SLC25A41: variants seen among roughly 807,000 people sequenced by gnomAD.
SLC25A41 encodes the protein solute carrier family 25 member 41, also known as mitochondrial carrier protein SCaMC-3L.
SLC25A41 carries 35 observed loss-of-function variants against 34.7 expected under a neutral mutation model. The observed-to-expected ratio is 1.01, with a 90% confidence interval of 0.77 to 1.34. The LOEUF is 1.34. Among genes scored for constraint, SLC25A41 ranks in the 40% most tolerant of loss-of-function variants. The pLI is 0.00. For synonymous variants in SLC25A41, 190 were observed against 209.9 expected (o/e 0.91, Z 0.82); for missense variants, 492 against 489.8 (o/e 1.00, Z -0.04).
chr19:6,426,681 C>T (rs189592073), intron 6 of SLC25A41, 120 bp from the exon 7 acceptor site: 13 of 1,018,614 alleles, frequency 1.3e-5, no homozygotes, highest in Non-Finnish European at 1.9e-5. Flanking sequence ...AGTAGGAAAA[C>T]AGTTTGAAGA....
In SLC25A41 at chr19:6,429,846, A is replaced by C. The variant is rs1284860379; in HGVS notation, c.517-15T>G. 1 of 1,609,196 alleles carries C rather than the reference A, an allele frequency of 6.2e-7. No homozygotes were observed. Among genetic ancestry groups the C allele is most frequent in the Admixed American group, 1.7e-5 (1 of 59,242 alleles). Reference sequence around the variant, plus strand: ...TAATTCTTGCACTGGGAGAGGAGAGAGGAGGGTGAGAGAGAAGTCAGCCAC... The same window carrying C: ...TAATTCTTGCACTGGGAGAGGAGAGCGGAGGGTGAGAGAGAAGTCAGCCAC... On this transcript the variant is annotated splice_polypyrimidine_tract_variant and intron_variant, in intron 3 of 6. Coordinates refer to ENST00000321510, the MANE Select transcript of SLC25A41 (RefSeq NM_173637.4).
At chr19:6,435,838 CAG>C (rs2092308781), upstream of SLC25A41, among the ~76,000 whole-genome samples, 1 of 151,704 alleles carries the variant, frequency 6.6e-6, no homozygotes, top group Admixed American at 6.6e-5. Flanking sequence ...GCCTGGGTGA[CAG>C]AGTAAGACCC....
At chr19:6,431,394 G>A (rs1423575006) in intron 2 of SLC25A41, among the ~76,000 whole-genome samples, 1 of 150,732 alleles carries the variant, frequency 6.6e-6, no homozygotes, top group Non-Finnish European at 1.5e-5. Flanking sequence ...GACTATGGGT[G>A]TGAGATATCC....
chr19:6,433,560 C>G lies in SLC25A41; in HGVS notation c.134G>C (p.Gly45Ala). Residue 45 changes from glycine to alanine, a missense_variant, in exon 1 of 7, where the codon GGC (glycine) becomes GCC (alanine). Transcript: ENST00000321510. ...PPPPPPSWNP[G>A]CTHVYGYAFG... ...CGCGTACCCATACACGTGTGTACAG[C>G]CAGGGTTCCAGGATGGGGGTGGAGG... The G allele has an allele frequency of 6.2e-7, 1 of 1,613,448 alleles. No homozygotes were observed. The highest frequency in any genetic ancestry group is 1.1e-5 in the South Asian group (1 of 91,058).
chr19:6,426,605 G>C (rs368346983), intron 6 of SLC25A41, 44 bp from the exon 7 acceptor site: 23 of 1,591,066 alleles, frequency 1.4e-5, no homozygotes, highest in Non-Finnish European at 1.8e-5. Context: ...AGAGATGACC[G>C]GGCCTCCTAG....
In SLC25A41 at chr19:6,433,577, G is replaced by C. The variant is rs2092295409; in HGVS notation, c.117C>G (p.Pro39=). ...GTGTACAGCCAGGGTTCCAGGATGG[G>C]GGTGGAGGCGGAGGTTGGGGGGGAG... ...APPPPQPPPP[P]PSWNPGCTHV... is the part of the protein sequence containing the mutation. The change falls in exon 1 of 7, where the codon CCC becomes CCG. Residue 39 remains proline (P), a synonymous_variant. Transcript: ENST00000321510. 18 of 1,613,302 alleles carry C rather than the reference G, an allele frequency of 1.1e-5. No homozygotes were observed. The East Asian group carries it at 4.0e-4, about 36-fold the overall frequency.
In SLC25A41 at chr19:6,429,140, ATATAAT is replaced by A. The variant is rs2092265778; in HGVS notation, c.624+578_624+583del. ...TATATTATATATATGTTATATATAT[ATATAAT>A]ATATATATTATATATATAATATATA... On this transcript the variant is annotated intron_variant, in intron 4 of 6. Coordinates refer to ENST00000321510, the MANE Select transcript of SLC25A41 (RefSeq NM_173637.4). Among the ~76,000 whole-genome samples, 12 of 56,398 alleles carry A rather than the reference ATATAAT, an allele frequency of 2.1e-4. 3 individuals carry two copies. Among genetic ancestry groups the A allele is most frequent in the African/African-American group, 1.2e-3 (12 of 10,290 alleles). 37.0% of individuals were successfully genotyped at this position (56,398 alleles called of 152,430 possible). A position where few individuals can be genotyped will look rare whatever the true frequency, so the allele number is the denominator to read the frequency against.
rs1368500321 is a variant in SLC25A41 at position 6,429,327 on chromosome 19, A to G, written c.624+397T>C. 1.2e-4 allele frequency among the ~76,000 whole-genome samples: 5 copies of G among 43,060 alleles called. No homozygotes were observed. The East Asian group carries it at 2.0e-3, about 17-fold the overall frequency. 28.2% of individuals were successfully genotyped at this position (43,060 alleles called of 152,430 possible). ...AGGAGGAGATTGGAGAGGAGGAGAA[A>G]GAGGTAAAGGGGGAAGAGGGAGAGG... is the stretch of plus-strand genomic sequence containing the variant. On this transcript the variant is annotated intron_variant, in intron 4 of 6. Transcript: ENST00000321510.
chr19:6,429,546 G>C, intron 4 of SLC25A41, among the ~76,000 whole-genome samples, 178 bp downstream of exon 4: 1 of 132,038 alleles, frequency 7.6e-6, no homozygotes, highest in Non-Finnish European at 1.7e-5. Flanking sequence ...GAAAGAGGAG[G>C]AGGGAGAAAG....
Position 6,427,991 on chromosome 19 carries a change from G to T in SLC25A41, c.625-490C>A, listed in dbSNP as rs922678945. Among the ~76,000 whole-genome samples, 5 of 152,082 alleles carry T rather than the reference G, an allele frequency of 3.3e-5. No homozygotes were observed. The highest frequency in any genetic ancestry group is 7.4e-5 in the Non-Finnish European group (5 of 68,018). The stretch of plus-strand genomic sequence containing the variant: ...CTTTATGGCAAAAAGATCAAGCACT[G>T]GGGGGAAAGAAAGAGAGTGAATAGG... On this transcript the variant is annotated intron_variant, in intron 4 of 6. Transcript: ENST00000321510. The surrounding 1 kb of genome is among the most constrained non-coding windows in gnomAD (Gnocchi z 4.9).
In SLC25A41 at chr19:6,427,042, T is replaced by C. The variant is rs2092245077; in HGVS notation, c.940+61A>G. ...ACTCAGTTTTGGGGTATGAGAAAAT[T>C]GAGACAGCCAGGGTGGGGCGGGGAA... On this transcript the variant is annotated intron_variant, in intron 6 of 6. Coordinates refer to ENST00000321510, the MANE Select transcript of SLC25A41 (RefSeq NM_173637.4). The surrounding 1 kb of genome is among the most constrained non-coding windows in gnomAD (Gnocchi z 4.9). The C allele has an allele frequency of 2.6e-6, 4 of 1,529,488 alleles. No homozygotes were observed. The African/African-American group carries it at 5.5e-5, about 21-fold the overall frequency. The allele number at this position is 1,529,488 out of a possible 1,614,324, so 94.7% of individuals were successfully genotyped here.
intron 6 of SLC25A41, among the ~76,000 whole-genome samples, 167 bp from the exon 7 acceptor site, chr19:6,426,728 G>C (rs1048749595): frequency 1.3e-5 from 2 of 152,196 alleles, no homozygotes; most frequent in Non-Finnish European, 2.9e-5. Flanking sequence ...GGAGGAGTGG[G>C]GGAGTTTCTG....
Position 6,426,541 on chromosome 19 carries a change from G to C in SLC25A41, c.961C>G (p.Pro321Ala), listed in dbSNP as rs373400591. 1.2e-6 allele frequency: 2 copies of C among 1,613,090 alleles called. No homozygotes were observed. The highest frequency in any genetic ancestry group is 1.7e-6 in the Non-Finnish European group (2 of 1,179,762). ...QAQDTVEGSN[P>A]TMRGVLQRIL... ...CGCTGGAGGACTCCGCGCATGGTGG[G>C]ATTTGAGCCCTCCACGGTATCTGCA... Residue 321 changes from proline to alanine, a missense_variant, in exon 7 of 7, where the codon CCC (proline) becomes GCC (alanine). Transcript: ENST00000321510.
rs367670138 is a variant in SLC25A41, at chr19:6,427,477, G to A, written c.649C>T (p.Arg217Cys). The change falls in exon 5 of 7, where the codon CGT becomes TGT. Residue 217 changes from arginine (R) to cysteine (C), a missense_variant. Transcript: ENST00000321510. The surrounding 1 kb of genome is among the most constrained non-coding windows in gnomAD (Gnocchi z 4.9). ...MEVLKTRLTL[R>C]RTGQYKGLLD... ...AGCCCCTTGTACTGGCCCGTCCGAC[G>A]CAAGGTCAACCGCGTCTTCAGCACC... 3.7e-5 allele frequency: 57 copies of A among 1,561,372 alleles called. No homozygotes were observed. The highest frequency in any genetic ancestry group is 2.4e-5 in the Non-Finnish European group (28 of 1,148,996).
rs368189735 is a variant in SLC25A41, at chr19:6,430,096, G to A, written c.429C>T (p.Gly143=). The part of the protein sequence containing the change: ...LGGLQSMVQE[G]GFRSLWRGNG... ...TGCCCCGCCACAGGGAGCGGAAGCC[G>A]CCCTCCTGGACCATGCTCTGTAGCC... The change falls in exon 3 of 7, where the codon GGC becomes GGT. Residue 143 remains glycine, a synonymous_variant. Coordinates refer to ENST00000321510, the MANE Select transcript of SLC25A41 (RefSeq NM_173637.4). 20 of 1,613,188 alleles carry A rather than the reference G, an allele frequency of 1.2e-5. No individual in the cohort carries two copies. Among genetic ancestry groups the A allele is most frequent in the African/African-American group, 9.3e-5 (7 of 74,882 alleles).
intron 4 of SLC25A41, among the ~76,000 whole-genome samples, chr19:6,429,131 T>A (rs1234839132): frequency 5.0e-4 from 3 of 5,992 alleles, no homozygotes; most frequent in African/African-American, 8.3e-4. Context: ...ATATATATGT[T>A]ATATATATAT....
At chr19:6,436,071 C>T (rs150538610), upstream of SLC25A41, 45 of 159,868 alleles carry the variant, frequency 2.8e-4, no homozygotes, top group East Asian at 7.6e-3. Context: ...AAAAACCTGA[C>T]AAAATCATAT....
In SLC25A41 at chr19:6,426,068, G is replaced by C. The variant is rs1205184946; in HGVS notation, c.*321C>G. The C allele has an allele frequency of 3.2e-6, 1 of 308,966 alleles. No individual in the cohort carries two copies. The highest frequency in any genetic ancestry group is 5.6e-5 in the East Asian group (1 of 17,736). 19.1% of individuals were successfully genotyped at this position (308,966 alleles called of 1,614,324 possible). A position where few individuals can be genotyped will look rare whatever the true frequency, so the allele number is the denominator to read the frequency against. On this transcript the variant is annotated 3_prime_UTR_variant, in exon 7 of 7. Coordinates refer to ENST00000321510, the MANE Select transcript of SLC25A41 (RefSeq NM_173637.4). ...AAAAACCATCTCTTTATTCCTTGTT[G>C]TGTGACATGTTCACCATTTCGCCCT... is the stretch of plus-strand genomic sequence containing the variant.
rs914276931 is a variant in SLC25A41, at chr19:6,428,721, A to ATT, written c.624+1001_624+1002dup. 2.6e-4 allele frequency among the ~76,000 whole-genome samples: 37 copies of ATT among 144,260 alleles called. 1 individual carries two copies. Among genetic ancestry groups the ATT allele is most frequent in the Non-Finnish European group, 3.6e-4 (24 of 66,630 alleles). 94.6% of individuals were successfully genotyped at this position (144,260 alleles called of 152,430 possible). A position where few individuals can be genotyped will look rare whatever the true frequency, so the allele number is the denominator to read the frequency against. On this transcript the variant is annotated intron_variant, in intron 4 of 6. Coordinates refer to ENST00000321510, the MANE Select transcript of SLC25A41 (RefSeq NM_173637.4). ...ATATATAAAACATATATATATATAT[A>ATT]TTTTTTTTGAGACAGGGTCTCCCTC...
Sources: gnomAD v4.1 joint callset for allele counts (sites outside exome capture counted in the v4.1 genomes callset) on GRCh38, gnomAD v4.1.1 for gene constraint, Gnocchi (gnomAD v3.1) non-coding constraint, MANE v1.5 for transcripts, NCBI Gene and HGNC (gene_info 2026-07-23, HGNC 2026-07-21) for gene names.